Variants in THSD7B observed in about 807,000 individuals in gnomAD.
The protein encoded by THSD7B is thrombospondin type 1 domain containing 7B.
THSD7B carries 138 observed loss-of-function variants against 213.6 expected under a neutral mutation model. That is an observed-to-expected ratio of 0.65 (90% confidence interval 0.56 to 0.74). THSD7B has a LOEUF of 0.74. Ranked by LOEUF, THSD7B falls within the 30% of genes least tolerant of loss-of-function variation. The pLI, the probability that THSD7B is intolerant of heterozygous loss-of-function variation, is 0.00. For synonymous variants in THSD7B, 742 were observed against 687.0 expected (o/e 1.08, Z -1.25); for missense variants, 1,931 against 1,991.5 (o/e 0.97, Z 0.58).
chr2:136,785,575 G>A (rs936716543), intron 1 of THSD7B, among the ~76,000 whole-genome samples: 3 of 152,184 alleles, frequency 2.0e-5, no homozygotes, highest in African/African-American at 7.2e-5. Context: ...CATTAAACAT[G>A]TCTGCTCTGT....
intron 7 of THSD7B, among the ~76,000 whole-genome samples, chr2:137,226,618 T>A (rs1681510088): frequency 6.6e-6 from 1 of 151,728 alleles, no homozygotes; most frequent in Non-Finnish European, 1.5e-5. Flanking sequence ...GGGCAGGTAT[T>A]AGAAGAGTAG....
intron 2 of THSD7B, among the ~76,000 whole-genome samples, chr2:136,995,674 A>G (rs1685872234): frequency 6.6e-6 from 1 of 152,172 alleles, no homozygotes; most frequent in African/African-American, 2.4e-5. Flanking sequence ...AGATGGGTCA[A>G]TAATTACTTC....
intron 12 of THSD7B, among the ~76,000 whole-genome samples, chr2:137,402,951 TTAACTC>T (rs1686406105): frequency 6.6e-6 from 1 of 152,182 alleles, no homozygotes; most frequent in Non-Finnish European, 1.5e-5. Context: ...GTTCTCTAAA[TTAACTC>T]TAAATTGGTT....
chr2:137,628,192 C>T (rs1445004303), intron 20 of THSD7B, among the ~76,000 whole-genome samples: 2 of 152,074 alleles, frequency 1.3e-5, no homozygotes, highest in Admixed American at 6.6e-5. Context: ...TTGGAGACTC[C>T]GTAGGATCTT....
Position 137,590,374 on chromosome 2 carries a change from G to C in THSD7B, c.3423+17818G>C, listed in dbSNP as rs192847048. 4.6e-5 allele frequency among the ~76,000 whole-genome samples: 7 copies of C among 152,266 alleles called. 1 individual carries two copies. The East Asian group carries it at 1.3e-3, about 29-fold the overall frequency. On this transcript the variant is annotated intron_variant, in intron 17 of 27. Transcript: ENST00000409968. The stretch of plus-strand genomic sequence containing the variant: ...ATCATCTGGAATGGAAATTTGTGCA[G>C]GACAGGCATCATGGCTGACTTGGCT...
chr2:136,953,437 T>C (rs1685073888), intron 2 of THSD7B, among the ~76,000 whole-genome samples: 1 of 152,210 alleles, frequency 6.6e-6, no homozygotes, highest in South Asian at 2.1e-4. Flanking sequence ...CCAAGTAATA[T>C]GGGACTCAAA....
At chr2:136,970,135 G>A (rs1475607172) in intron 2 of THSD7B, among the ~76,000 whole-genome samples, 1 of 152,058 alleles carries the variant, frequency 6.6e-6, no homozygotes, top group Non-Finnish European at 1.5e-5. Context: ...TAACATAGAA[G>A]AAATAAAAAA....
chr2:137,515,576 G>A (rs935788041), intron 15 of THSD7B, among the ~76,000 whole-genome samples: 2 of 152,148 alleles, frequency 1.3e-5, no homozygotes, highest in Non-Finnish European at 2.9e-5. Flanking sequence ...CTGGAGAACA[G>A]GAATGGGAAT....
At chr2:137,352,706 G>A (rs368219237) in intron 12 of THSD7B, among the ~76,000 whole-genome samples, 14 of 151,918 alleles carry the variant, frequency 9.2e-5, no homozygotes, top group African/African-American at 2.4e-4. Context: ...TATGGACCAC[G>A]TGTCAGTGCT....
chr2:137,302,207 A>T (rs941426362), intron 12 of THSD7B, among the ~76,000 whole-genome samples: 1 of 152,118 alleles, frequency 6.6e-6, no homozygotes, highest in Admixed American at 6.5e-5. Flanking sequence ...ACTGAATGAG[A>T]TCATGGAGGG....
chr2:137,178,763 T>C (rs1349956631), intron 7 of THSD7B, among the ~76,000 whole-genome samples: 1 of 152,220 alleles, frequency 6.6e-6, no homozygotes. Context: ...ATATTTACTG[T>C]ATGTTGTCTC....
intron 7 of THSD7B, among the ~76,000 whole-genome samples, chr2:137,224,480 T>C (rs1376485797): frequency 6.6e-6 from 1 of 152,182 alleles, no homozygotes; most frequent in Non-Finnish European, 1.5e-5. Context: ...AGTTCCCACA[T>C]AGGACTACTG....
At chr2:137,627,276 C>G (rs1682649870) in intron 20 of THSD7B, among the ~76,000 whole-genome samples, 1 of 152,226 alleles carries the variant, frequency 6.6e-6, no homozygotes, top group South Asian at 2.1e-4. Flanking sequence ...ATACCTCCCA[C>G]TAGTCCTTAC....
chr2:136,998,891 C>A (rs1685946020), intron 2 of THSD7B, among the ~76,000 whole-genome samples: 1 of 147,660 alleles, frequency 6.8e-6, no homozygotes, highest in South Asian at 2.1e-4. Context: ...CTGTTTCATG[C>A]TCCTTGAATA....
intron 15 of THSD7B, among the ~76,000 whole-genome samples, chr2:137,484,386 T>C (rs1688380494): frequency 7.3e-6 from 1 of 136,376 alleles, no homozygotes; most frequent in Admixed American, 7.6e-5. Context: ...TTCCATGGTG[T>C]ATATGTGCCA....
intron 8 of THSD7B, 129 bp from the exon 9 acceptor site, chr2:137,232,770 A>ATGTT (rs1681668898): frequency 1.3e-6 from 1 of 770,792 alleles, no homozygotes; most frequent in African/African-American, 1.8e-5. Context: ...TGAGAAGAAC[A>ATGTT]GTGCAGTGGC....
chr2:136,973,242 C>G (rs1197275145), intron 2 of THSD7B, among the ~76,000 whole-genome samples: 1 of 152,118 alleles, frequency 6.6e-6, no homozygotes, highest in Non-Finnish European at 1.5e-5. Flanking sequence ...TCTGTACTGT[C>G]CATTCTGAAT....
At chr2:137,448,268 GT>G (rs1204722191) in intron 14 of THSD7B, among the ~76,000 whole-genome samples, 1 of 152,198 alleles carries the variant, frequency 6.6e-6, no homozygotes, top group East Asian at 1.9e-4. Context: ...TAAGTCTGAA[GT>G]TTTTCCAGCC....
chr2:137,620,691 C>T lies in THSD7B; in HGVS notation c.3764C>T (p.Ala1255Val), dbSNP rs777732580. Reference sequence around the variant, plus strand: ...AACTGTCAGCTCTCAGGGTGGACGGCTTGGACAGAGTGTTCACAGACCTGT... The same window carrying T: ...AACTGTCAGCTCTCAGGGTGGACGGTTTGGACAGAGTGTTCACAGACCTGT... ...VVNCQLSGWT[A>V]WTECSQTCGH... Residue 1255 changes from alanine (A) to valine (V), a missense_variant, in exon 20 of 28, where the codon GCT becomes GTT. Transcript: ENST00000409968. The T allele has an allele frequency of 6.2e-7, 1 of 1,613,902 alleles. No homozygotes were observed. Among genetic ancestry groups the T allele is most frequent in the South Asian group, 1.1e-5 (1 of 91,076 alleles).
Sources: gnomAD v4.1 joint callset for allele counts (sites outside exome capture counted in the v4.1 genomes callset) on GRCh38, gnomAD v4.1.1 for gene constraint, MANE v1.5 for transcripts, NCBI Gene and HGNC (gene_info 2026-07-23, HGNC 2026-07-21) for gene names.